Variants in AGBL4 observed in about 807,000 individuals in gnomAD.
AGBL4 encodes the protein AGBL carboxypeptidase 4.
AGBL4 carries 58 observed loss-of-function variants against 66.4 expected under a neutral mutation model. The ratio of observed to expected loss-of-function variants is 0.87; its 90% confidence interval spans 0.71 to 1.09. AGBL4 has a LOEUF of 1.09. Ranked by LOEUF, AGBL4 falls within the 50% of genes least tolerant of loss-of-function variation. AGBL4 has a pLI of 0.00. For synonymous variants in AGBL4, 234 were observed against 222.9 expected (o/e 1.05, Z -0.44); for missense variants, 579 against 631.0 (o/e 0.92, Z 0.88).
chr1:49,113,519 C>T (rs1557651443), intron 4 of AGBL4, among the ~76,000 whole-genome samples: 1 of 152,180 alleles, frequency 6.6e-6, no homozygotes, highest in Non-Finnish European at 1.5e-5. Flanking sequence ...TCCCAAAGAG[C>T]TGGGCTTACA....
downstream of AGBL4, among the ~76,000 whole-genome samples, chr1:48,530,130 C>T (rs1643897702): frequency 6.6e-6 from 1 of 152,092 alleles, no homozygotes; most frequent in Non-Finnish European, 1.5e-5. Flanking sequence ...ATGGATAAGG[C>T]CCAGCACAAA....
At chr1:48,990,749 T>C (rs1660541045) in intron 5 of AGBL4, among the ~76,000 whole-genome samples, 1 of 152,122 alleles carries the variant, frequency 6.6e-6, no homozygotes. Context: ...ATTTTTGAAT[T>C]TGAGGTTACC....
chr1:48,781,757 A>G (rs1645297690), intron 6 of AGBL4, among the ~76,000 whole-genome samples: 1 of 152,198 alleles, frequency 6.6e-6, no homozygotes, highest in Non-Finnish European at 1.5e-5. Flanking sequence ...TAGCAGCCAT[A>G]CTAGGTTCAC....
intron 3 of AGBL4, among the ~76,000 whole-genome samples, chr1:49,511,630 A>G (rs1043533872): frequency 6.6e-4 from 100 of 151,880 alleles, no homozygotes; most frequent in African/African-American, 1.8e-3. Flanking sequence ...TTTTAAAAAA[A>G]TTGAAGCTCC....
At chr1:49,551,416 T>A (rs979892651) in intron 3 of AGBL4, among the ~76,000 whole-genome samples, 2 of 152,174 alleles carry the variant, frequency 1.3e-5, no homozygotes, top group Admixed American at 1.3e-4. Context: ...TCCTTCTCAT[T>A]TGGGTAGACT....
intron 3 of AGBL4, among the ~76,000 whole-genome samples, chr1:49,302,939 T>C (rs1472460049): frequency 6.6e-6 from 1 of 152,060 alleles, no homozygotes; most frequent in Middle Eastern, 3.2e-3. Flanking sequence ...CCTGTGTTAG[T>C]TTGCTGAGGA....
At chr1:49,433,717 T>C (rs985232499) in intron 3 of AGBL4, among the ~76,000 whole-genome samples, 6 of 152,214 alleles carry the variant, frequency 3.9e-5, no homozygotes, top group Non-Finnish European at 8.8e-5. Context: ...TTAGTAGTTG[T>C]ATTGCTTGCA....
At chr1:50,000,877 G>T (rs1660696664) in intron 1 of AGBL4, among the ~76,000 whole-genome samples, 1 of 152,020 alleles carries the variant, frequency 6.6e-6, no homozygotes, top group East Asian at 1.9e-4. Flanking sequence ...AAAGGCATAA[G>T]AATAATACAA....
At chr1:49,596,021 T>C (rs1395946635) in intron 3 of AGBL4, among the ~76,000 whole-genome samples, 2 of 152,128 alleles carry the variant, frequency 1.3e-5, no homozygotes, top group Non-Finnish European at 2.9e-5. Flanking sequence ...TTGTACGTTA[T>C]TGTATGAGAG....
intron 3 of AGBL4, among the ~76,000 whole-genome samples, chr1:49,618,348 A>AAAAGCCCAGGACCAGAC (rs1645290065): frequency 6.6e-6 from 1 of 150,872 alleles, no homozygotes; most frequent in African/African-American, 2.4e-5. Flanking sequence ...AATGATGTAT[A>AAAAGCCCAGGACCAGAC]ATCCTTTGGG....
chr1:49,738,495 C>A (rs947458980), intron 2 of AGBL4, among the ~76,000 whole-genome samples: 2 of 152,146 alleles, frequency 1.3e-5, no homozygotes, highest in African/African-American at 4.8e-5. Flanking sequence ...CATAGCCAAA[C>A]AAAAGGCAGC....
intron 3 of AGBL4, among the ~76,000 whole-genome samples, chr1:49,674,516 T>C (rs1646542424): frequency 6.8e-6 from 1 of 147,754 alleles, no homozygotes; most frequent in African/African-American, 2.5e-5. Context: ...TATATTTATA[T>C]ATAAATTTAT....
At chr1:49,282,818 TA>T (rs1644307053) in intron 3 of AGBL4, among the ~76,000 whole-genome samples, 1 of 152,100 alleles carries the variant, frequency 6.6e-6, no homozygotes, top group Non-Finnish European at 1.5e-5. Flanking sequence ...CGGACGGGCT[TA>T]AAAAACGGCG....
At chr1:49,099,892 C>T (rs557324188) in intron 4 of AGBL4, among the ~76,000 whole-genome samples, 2 of 152,102 alleles carry the variant, frequency 1.3e-5, no homozygotes, top group Non-Finnish European at 2.9e-5. Flanking sequence ...TATAACAGAA[C>T]AGCAAATTTC....
intron 4 of AGBL4, among the ~76,000 whole-genome samples, chr1:49,075,699 A>G (rs544479772): frequency 3.9e-5 from 6 of 152,312 alleles, no homozygotes; most frequent in African/African-American, 1.4e-4. Context: ...GGACAGGGAA[A>G]CTAATGAACT....
At chr1:49,550,083 T>C (rs1054401782) in intron 3 of AGBL4, among the ~76,000 whole-genome samples, 1 of 152,188 alleles carries the variant, frequency 6.6e-6, no homozygotes, top group African/African-American at 2.4e-5. Context: ...TGTGTTTTGT[T>C]TGATATAAGA....
chr1:49,952,015 G>A (rs1656199831), intron 1 of AGBL4, among the ~76,000 whole-genome samples: 2 of 151,786 alleles, frequency 1.3e-5, no homozygotes, highest in African/African-American at 2.4e-5. Context: ...TGATGAATGG[G>A]GAGTTATTGT....
intron 3 of AGBL4, among the ~76,000 whole-genome samples, chr1:49,371,260 C>T (rs533614573): frequency 6.7e-6 from 1 of 149,496 alleles, no homozygotes; most frequent in Admixed American, 6.7e-5. Flanking sequence ...TACATACATA[C>T]ATACATACAT....
intron 3 of AGBL4, among the ~76,000 whole-genome samples, chr1:49,281,710 A>C (rs191400260): frequency 6.6e-6 from 1 of 152,346 alleles, no homozygotes; most frequent in African/African-American, 2.4e-5. Flanking sequence ...TAAAGTCATC[A>C]CAATGGCCAA....
Sources: allele counts gnomAD v4.1 joint callset (sites outside exome capture counted in the v4.1 genomes callset), GRCh38; gene constraint gnomAD v4.1.1; transcripts MANE v1.5; gene names NCBI Gene and HGNC (gene_info 2026-07-23, HGNC 2026-07-21).